HPD: variants seen among roughly 807,000 people sequenced by gnomAD.
HPD encodes the protein 4-hydroxyphenylpyruvate dioxygenase.
A neutral mutation model predicts 56.9 loss-of-function variants in HPD; 35 were observed. The ratio of observed to expected loss-of-function variants is 0.62; its 90% CI spans 0.47 to 0.82. HPD has a LOEUF of 0.82. Ranked by LOEUF, HPD falls within the 40% of genes least tolerant of loss-of-function variation. HPD has a pLI of 0.00. For missense variants in HPD, 442 were observed against 506.8 expected, an observed-to-expected ratio of 0.87 and a Z score of 1.23; for synonymous variants, 186 against 200.2, an observed-to-expected ratio of 0.93 and a Z score of 0.60.
At chr12:121,861,471 C>T (rs1294736625), upstream of HPD, among the ~76,000 whole-genome samples, 1 of 152,094 alleles carries the variant, frequency 6.6e-6, no homozygotes, top group Non-Finnish European at 1.5e-5. Flanking sequence ...CACTGCGCTC[C>T]AGCCTGGGCG....
At chr12:121,848,101 G>A (rs1455334094) in intron 9 of HPD, among the ~76,000 whole-genome samples, 1 of 152,064 alleles carries the variant, frequency 6.6e-6, no homozygotes, top group African/African-American at 2.4e-5. Context: ...TTGGACAGGG[G>A]GCTCTCTGGG....
At chr12:121,860,036 T>C (rs1165837924), upstream of HPD, among the ~76,000 whole-genome samples, 2 of 152,176 alleles carry the variant, frequency 1.3e-5, no homozygotes, top group African/African-American at 4.8e-5. Context: ...TGCACGTCTG[T>C]AGTCCCAGCT....
At position 121,854,804 on chromosome 12, in the gene HPD, A is replaced by G; in HGVS notation, c.325-12T>C. The G allele has an allele frequency of 6.2e-7, 1 of 1,607,660 alleles. No homozygotes were observed. The highest frequency in any genetic ancestry group is 8.5e-7 in the Non-Finnish European group (1 of 1,174,274). ...CGTTCCCGTGCTTTCTGCAGAGAAGATGGGATCGGGGAATTGGTGAGGGCT... is the reference window on the plus strand; with the variant it reads ...CGTTCCCGTGCTTTCTGCAGAGAAGGTGGGATCGGGGAATTGGTGAGGGCT... On this transcript the variant is annotated splice_polypyrimidine_tract_variant and intron_variant, in intron 6 of 13. Coordinates refer to ENST00000289004, the MANE Select transcript of HPD (RefSeq NM_002150.3).
At chr12:121,887,264 C>A in the HPD span, among the ~76,000 whole-genome samples, 2 of 150,476 alleles carry the variant, frequency 1.3e-5, no homozygotes, top group African/African-American at 4.9e-5. Context: ...GTTGCCCAGG[C>A]TAGTCTCAAA....
rs754348822 is a variant in HPD, at chr12:121,858,842, C to G, written c.-19G>C. 1 of 1,614,106 alleles carries G rather than the reference C, an allele frequency of 6.2e-7. No individual in the cohort carries two copies. The highest frequency in any genetic ancestry group is 8.5e-7 in the Non-Finnish European group (1 of 1,179,972). ...TTACCATGATTGATCTTAGTCAAAC[C>G]TCCTACTGGGACTAGAGGCCTGGGG... On this transcript the variant is annotated 5_prime_UTR_variant, in exon 1 of 14. Transcript: ENST00000289004.
In HPD at chr12:121,856,342, A is replaced by G; in HGVS notation, c.306T>C (p.Asp102=). ...TTCTTACCTGCACGATGTAGTCACAATCTTCCACCTCGAACGCAATGTCCT... is the reference window on the plus strand; with the variant it reads ...TTCTTACCTGCACGATGTAGTCACAGTCTTCCACCTCGAACGCAATGTCCT... ...GVKDIAFEVE[D]CDYIVQKARE... The change falls in exon 6 of 14, where the codon GAT becomes GAC. Residue 102 remains aspartate (D), a synonymous_variant. Coordinates refer to ENST00000289004, the MANE Select transcript of HPD (RefSeq NM_002150.3). The G allele has an allele frequency of 6.2e-7, 1 of 1,613,894 alleles. No homozygotes were observed. The highest frequency in any genetic ancestry group is 1.3e-5 in the African/African-American group (1 of 74,984).
chr12:121,852,269 C>T (rs1395250781), intron 7 of HPD, among the ~76,000 whole-genome samples: 1 of 152,140 alleles, frequency 6.6e-6, no homozygotes, highest in African/African-American at 2.4e-5. Context: ...GTCCTCTTGC[C>T]TTGGCCTCCC....
the HPD span, among the ~76,000 whole-genome samples, chr12:121,884,671 TTTC>T: frequency 6.6e-6 from 1 of 152,280 alleles, no homozygotes; most frequent in African/African-American, 2.4e-5. Flanking sequence ...TTTCTCTTTT[TTTC>T]TTCTTTCTGT....
chr12:121,854,188 G>A (rs564382343), intron 7 of HPD, among the ~76,000 whole-genome samples: 202 of 149,998 alleles, frequency 1.3e-3, no homozygotes, highest in Non-Finnish European at 2.1e-3. Context: ...CCTGGGAGGC[G>A]GAGGTTGCAG....
intron 12 of HPD, among the ~76,000 whole-genome samples, chr12:121,842,303 G>GT (rs1009845956): frequency 4.0e-5 from 6 of 151,082 alleles, no homozygotes; most frequent in Admixed American, 1.3e-4. Context: ...TTTTAAAACT[G>GT]TTTTTTTTGT....
At chr12:121,843,685 G>T (rs778430757) in intron 12 of HPD, 25 bp downstream of exon 12, 2 of 1,613,484 alleles carry the variant, frequency 1.2e-6, no homozygotes, top group Middle Eastern at 1.7e-4. Flanking sequence ...CCCCCACAAG[G>T]CTGCGGATCC....
chr12:121,856,815 C>G, intron 4 of HPD, 190 bp from the exon 5 acceptor site: 1 of 640,276 alleles, frequency 1.6e-6, no homozygotes, highest in Middle Eastern at 3.6e-4. Context: ...AGCCAGACCC[C>G]CTCTGGATCC....
the HPD span, among the ~76,000 whole-genome samples, chr12:121,882,507 G>C: frequency 6.6e-6 from 1 of 152,150 alleles, no homozygotes; most frequent in Non-Finnish European, 1.5e-5. Context: ...CAACTGGAAA[G>C]GGGAAAGACA....
At chr12:121,848,527 G>T (rs1877658801) in intron 9 of HPD, among the ~76,000 whole-genome samples, 1 of 152,028 alleles carries the variant, frequency 6.6e-6, no homozygotes, top group African/African-American at 2.4e-5. Context: ...GGTCAGGCTG[G>T]TCTTGAACTC....
chr12:121,857,459 C>T (rs1353736894), intron 3 of HPD, 27 bp from the exon 4 acceptor site: 4 of 1,537,440 alleles, frequency 2.6e-6, no homozygotes, highest in Non-Finnish European at 3.6e-6. Flanking sequence ...CAGCAGGGTT[C>T]ATGAGGGTCA....
At chr12:121,885,489 C>G in the HPD span, among the ~76,000 whole-genome samples, 8 of 152,124 alleles carry the variant, frequency 5.3e-5, no homozygotes, top group Admixed American at 5.2e-4. Flanking sequence ...TGTGAGCCAC[C>G]ACGCCCGGCC....
In HPD at chr12:121,857,773, AC is replaced by A; in HGVS notation, c.76del (p.Val26LeufsTer20). ...GGCTTCTACCTGCTTGGCGTTGCCA[AC>A]CCAGAAGGTCACAGAGTGGAAGTGG... is the stretch of plus-strand genomic sequence containing the variant. ...FLHFHSVTFW[V>X]GNAKQATSFY... On this transcript the variant is annotated frameshift_variant, in exon 3 of 14. Coordinates refer to ENST00000289004, the MANE Select transcript of HPD (RefSeq NM_002150.3). LOFTEE classifies it high-confidence loss of function. 6.2e-7 allele frequency: 1 copy of A among 1,614,034 alleles called. No homozygotes were observed. The highest frequency in any genetic ancestry group is 1.1e-5 in the South Asian group (1 of 91,078).
At position 121,849,141 on chromosome 12, in the gene HPD, C is replaced by T. The variant is rs559179115; in HGVS notation, c.519-65G>A. The T allele has an allele frequency of 3.4e-5, 32 of 931,964 alleles. No individual in the cohort carries two copies. The South Asian group carries it at 4.0e-4, about 12-fold the overall frequency. 57.7% of individuals were successfully genotyped at this position (931,964 alleles called of 1,614,324 possible). On this transcript the variant is annotated intron_variant, in intron 8 of 13. Coordinates refer to ENST00000289004, the MANE Select transcript of HPD (RefSeq NM_002150.3). Reference sequence around the variant, plus strand: ...CCCCAGATTGCTCCCTTCTCCATGACCCCTCAATAATAATAATAGCTCACA... The same window carrying T: ...CCCCAGATTGCTCCCTTCTCCATGATCCCTCAATAATAATAATAGCTCACA...
At chr12:121,869,132 T>C in the HPD span, among the ~76,000 whole-genome samples, 1 of 151,960 alleles carries the variant, frequency 6.6e-6, no homozygotes, top group Non-Finnish European at 1.5e-5. Context: ...GGCGGATCAC[T>C]TGAGGTCAGG....
Sources: allele counts gnomAD v4.1 joint callset (sites outside exome capture counted in the v4.1 genomes callset), GRCh38; gene constraint gnomAD v4.1.1; transcripts MANE v1.5; gene names NCBI Gene and HGNC (gene_info 2026-07-23, HGNC 2026-07-21).